Variants in ABCA4 observed in about 807,000 individuals in gnomAD.
The protein encoded by ABCA4 is retinal-specific phospholipid-transporting ATPase ABCA4.
In ABCA4, 196 loss-of-function variants were observed where a neutral mutation model predicts 263.7. The observed-to-expected ratio is 0.74, with a 90% CI of 0.66 to 0.84. ABCA4 has a LOEUF of 0.84. Ranked by LOEUF, ABCA4 falls within the 40% of genes least tolerant of loss-of-function variation. The pLI is 0.00. For missense variants in ABCA4, 2,792 were observed against 2,855.1 expected (o/e 0.98, Z 0.50); for synonymous variants, 1,133 against 1,094.2 (o/e 1.04, Z -0.70).
At chr1:94,073,820 G>C (rs1020095649) in intron 11 of ABCA4, among the ~76,000 whole-genome samples, 2 of 104,518 alleles carry the variant, frequency 1.9e-5, no homozygotes, top group East Asian at 9.5e-4. Context: ...TAGACAAGGA[G>C]TATTCTTTAT....
rs914957 is a variant in ABCA4 at position 94,015,435 on chromosome 1, T to C, written c.5312+304A>G. 0.31 allele frequency among the ~76,000 whole-genome samples: 47,031 copies of C among 151,886 alleles called. 8,393 individuals carry two copies. Among genetic ancestry groups the C allele is most frequent in the African/African-American group, 0.5 (20,841 of 41,372 alleles). Reference sequence around the variant, plus strand: ...GTGAGAGTCAGAGCTGGGTGAGGGGTTGGGGAATGGCTGCCCCCAGGCTTT... The same window carrying C: ...GTGAGAGTCAGAGCTGGGTGAGGGGCTGGGGAATGGCTGCCCCCAGGCTTT... On this transcript the variant is annotated intron_variant, in intron 37 of 49. Transcript: ENST00000370225.
chr1:94,079,879 C>A (rs1489754139), intron 8 of ABCA4, among the ~76,000 whole-genome samples: 1 of 152,076 alleles, frequency 6.6e-6, no homozygotes, highest in African/African-American at 2.4e-5. Flanking sequence ...GTGTAGCTAT[C>A]TTAGAGTCCA....
chr1:94,028,791 T>A (rs1407162825), intron 30 of ABCA4, among the ~76,000 whole-genome samples: 1 of 148,774 alleles, frequency 6.7e-6, no homozygotes, highest in African/African-American at 2.5e-5. Context: ...ATGCCTGTAA[T>A]CCCCACTACT....
At chr1:94,087,925 G>A (rs973833804) in intron 6 of ABCA4, among the ~76,000 whole-genome samples, 2 of 152,128 alleles carry the variant, frequency 1.3e-5, no homozygotes, top group East Asian at 1.9e-4. Flanking sequence ...CATCACTGTC[G>A]TCATGCTGTG....
chr1:94,006,638 G>C (rs1236202420), intron 43 of ABCA4, among the ~76,000 whole-genome samples: 14 of 152,206 alleles, frequency 9.2e-5, no homozygotes. Context: ...CTTCACCCCT[G>C]CCTGTCCCTT....
chr1:94,040,448 G>A lies in ABCA4; in HGVS notation c.3523-321C>T, dbSNP rs185414189. 6.0e-3 allele frequency among the ~76,000 whole-genome samples: 914 copies of A among 152,254 alleles called. 2 individuals carry two copies. The highest frequency in any genetic ancestry group is 7.8e-3 in the Non-Finnish European group (528 of 68,022). On this transcript the variant is annotated intron_variant, in intron 23 of 49. Transcript: ENST00000370225. Reference sequence around the variant, plus strand: ...TTCTGTGCCTCCCTCCCCGTGGATGGACATAGGAAACCCCAGCGGCAGCCA... The same window carrying A: ...TTCTGTGCCTCCCTCCCCGTGGATGAACATAGGAAACCCCAGCGGCAGCCA...
Position 94,029,647 on chromosome 1 carries a change from A to G in ABCA4, c.4353-16T>C. ...GGGGTACTCCCTCATGGAAGACAAG[A>G]AAATATTCCATAATCAGCCTCAAAG... On this transcript the variant is annotated splice_polypyrimidine_tract_variant and intron_variant, in intron 29 of 49. Transcript: ENST00000370225. 6.2e-7 allele frequency: 1 copy of G among 1,609,266 alleles called. No homozygotes were observed. The highest frequency in any genetic ancestry group is 8.5e-7 in the Non-Finnish European group (1 of 1,177,226).
chr1:94,041,571 A>G (rs997417676), intron 22 of ABCA4, among the ~76,000 whole-genome samples, 169 bp from the exon 23 acceptor site: 9 of 152,210 alleles, frequency 5.9e-5, no homozygotes, highest in African/African-American at 2.2e-4. Context: ...TTAGGACAAT[A>G]ATAACTAACA....
rs1280328614 is a variant in ABCA4, at chr1:94,071,517, C to G, written c.1554+6173G>C. ...AGCCAGGCAGCTCTGGATTATAATT[C>G]CAGATCCCCCATTTAGCTGTTGTGT... On this transcript the variant is annotated intron_variant, in intron 11 of 49. Transcript: ENST00000370225. 2.6e-5 allele frequency among the ~76,000 whole-genome samples: 4 copies of G among 152,206 alleles called. No homozygotes were observed. In the South Asian group the frequency reaches 6.2e-4, roughly 24 times the overall value.
At position 94,001,601 on chromosome 1, in the gene ABCA4, G is replaced by T. The variant is rs765783325; in HGVS notation, c.6282+257C>A. Reference sequence around the variant, plus strand: ...GGGCTGAACTTCCCGGCTGTGAGCCGATGGCCCCACAGGAGACATCCTGGG... The same window carrying T: ...GGGCTGAACTTCCCGGCTGTGAGCCTATGGCCCCACAGGAGACATCCTGGG... On this transcript the variant is annotated intron_variant, in intron 45 of 49. Transcript: ENST00000370225. 5 of 648,504 alleles carry T rather than the reference G, an allele frequency of 7.7e-6. No homozygotes were observed. In the African/African-American group the frequency reaches 8.9e-5, roughly 12 times the overall value. 40.2% of individuals were successfully genotyped at this position (648,504 alleles called of 1,614,324 possible).
At chr1:94,041,452 T>A (rs771088038) in intron 22 of ABCA4, 50 bp from the exon 23 acceptor site, 1 of 1,603,532 alleles carries the variant, frequency 6.2e-7, no homozygotes, top group African/African-American at 1.3e-5. Flanking sequence ...GGGTTGGGCA[T>A]TGTTGGTAAA....
At chr1:94,027,586 G>A (rs1383704816) in intron 30 of ABCA4, among the ~76,000 whole-genome samples, 1 of 152,198 alleles carries the variant, frequency 6.6e-6, no homozygotes, top group Non-Finnish European at 1.5e-5. Flanking sequence ...TATTGCTTGA[G>A]AAATATAAAG....
At chr1:94,056,536 C>A (rs1660981381) in intron 15 of ABCA4, 65 bp downstream of exon 15, 9 of 1,542,270 alleles carry the variant, frequency 5.8e-6, no homozygotes, top group Non-Finnish European at 6.2e-6. Context: ...GCTGGGCCTC[C>A]AGGACTGCTA....
intron 2 of ABCA4, among the ~76,000 whole-genome samples, chr1:94,111,916 C>A (rs1358992767): frequency 1.3e-5 from 2 of 152,246 alleles, no homozygotes; most frequent in Non-Finnish European, 2.9e-5. Flanking sequence ...GCAGTTGCTG[C>A]TGCTGCTTGA....
chr1:94,002,401 C>G (rs533532217), intron 44 of ABCA4, among the ~76,000 whole-genome samples: 1 of 152,236 alleles, frequency 6.6e-6, no homozygotes, highest in African/African-American at 2.4e-5. Flanking sequence ...CTTGTGCATC[C>G]GACACATACC....
intron 1 of ABCA4, among the ~76,000 whole-genome samples, chr1:94,115,351 G>A (rs574455715): frequency 6.6e-5 from 10 of 152,316 alleles, no homozygotes; most frequent in South Asian, 2.1e-4. Flanking sequence ...GGTCTGGTAC[G>A]TTAAACACTG....
chr1:94,038,999 T>C (rs549411540), intron 24 of ABCA4, among the ~76,000 whole-genome samples: 10 of 152,316 alleles, frequency 6.6e-5, no homozygotes, highest in East Asian at 3.9e-4. Flanking sequence ...CATTCAGCCA[T>C]GCAGGCCCTG....
intron 25 of ABCA4, 135 bp downstream of exon 25, chr1:94,037,010 A>G: frequency 1.9e-6 from 2 of 1,037,518 alleles, no homozygotes; most frequent in Non-Finnish European, 3.0e-6. Context: ...CTATGCCAAA[A>G]ATAAAGATAG....
intron 13 of ABCA4, 119 bp from the exon 14 acceptor site, chr1:94,060,878 G>C: frequency 1.2e-6 from 1 of 826,684 alleles, no homozygotes; most frequent in Non-Finnish European, 2.0e-6. Flanking sequence ...AGGAAAACAG[G>C]AAAACCTCCC....
Sources: allele counts gnomAD v4.1 joint callset (sites outside exome capture counted in the v4.1 genomes callset), GRCh38; gene constraint gnomAD v4.1.1; transcripts MANE v1.5; gene names NCBI Gene and HGNC (gene_info 2026-07-23, HGNC 2026-07-21).